Variants in SENP3 observed in about 807,000 individuals in gnomAD.
SENP3 encodes SUMO specific peptidase 3.
A neutral mutation model predicts 66.2 loss-of-function variants in SENP3; 11 were observed. The ratio of observed to expected loss-of-function variants is 0.17; its 90% CI spans 0.10 to 0.28. The LOEUF (loss-of-function observed/expected upper bound fraction) is 0.28, where lower values mean the gene tolerates loss of function less well. Among genes scored for constraint, SENP3 ranks in the 10% least tolerant of loss-of-function variants. The pLI, the probability that SENP3 is intolerant of heterozygous loss-of-function variation, is 1.00. For missense variants in SENP3, 548 were observed against 743.7 expected (o/e 0.74, Z 3.06); for synonymous variants, 292 against 277.6 (o/e 1.05, Z -0.52).
rs1376375473 is a variant in SENP3, at chr17:7,562,067, C to T, written c.-208C>T. ...GTGGAGGTGGAAGCTGAAGCTGAAG[C>T]AGAGCCAGAGGCGGCGCGGCGGGGT... On this transcript the variant is annotated 5_prime_UTR_variant, in exon 1 of 11. Coordinates refer to ENST00000321337, the MANE Select transcript of SENP3 (RefSeq NM_015670.6). This position sits in a 1 kb window ranked among gnomAD's most constrained non-coding sequence, Gnocchi z 5.0. The T allele has an allele frequency of 1.0e-5, 4 of 401,078 alleles. No homozygotes were observed. The highest frequency in any genetic ancestry group is 8.2e-5 in the African/African-American group (4 of 48,572). 24.8% of individuals were successfully genotyped at this position (401,078 alleles called of 1,614,324 possible).
chr17:7,563,234 G>A lies in SENP3; in HGVS notation c.158G>A (p.Gly53Glu). Residue 53 changes from glycine (G) to glutamate (E), a missense_variant, in exon 2 of 11, where the codon GGG becomes GAG. Physicochemically the swap from Gly to Glu is moderately conservative, Grantham distance 98 (BLOSUM62 -2). Around this residue, in one of 6 missense-constraint regions of SENP3, gnomAD observed 164 missense variants for 167.9 expected, o/e 0.98. Transcript: ENST00000321337. ...GGTGGAGGGTTTGGGCCAGATCCTG[G>A]GTCAGGGACCACAGTGCCAGCCAGA... is the stretch of plus-strand genomic sequence containing the variant. ...KSGGGFGPDP[G>E]SGTTVPARRL... 2 of 1,567,040 alleles carry A rather than the reference G, an allele frequency of 1.3e-6. No homozygotes were observed. Among genetic ancestry groups the A allele is most frequent in the East Asian group, 2.4e-5 (1 of 42,078 alleles).
Position 7,571,428 on chromosome 17 carries a change from CCA to C in SENP3, c.1671_1672del (p.Lys558ThrfsTer27). 2 of 1,608,380 alleles carry C rather than the reference CCA, an allele frequency of 1.2e-6. No individual in the cohort carries two copies. The highest frequency in any genetic ancestry group is 1.1e-5 in the South Asian group (1 of 90,252). On this transcript the variant is annotated frameshift_variant, in exon 11 of 11. Transcript: ENST00000321337. LOFTEE classifies it high-confidence loss of function. ...TTCAGCTTCACCCAGCAGGACATGC[CCA>C]AACTTCGTCGGCAGATCTACAAGGA...
Position 7,566,909 on chromosome 17 carries a change from T to G in SENP3, c.1264-18T>G. 1.3e-6 allele frequency: 2 copies of G among 1,542,486 alleles called. No homozygotes were observed. The highest frequency in any genetic ancestry group is 1.8e-6 in the Non-Finnish European group (2 of 1,136,616). ...AGGTCTTTTAATTCCATTGAGCTTT[T>G]TTGTGTCATTGGCACAGGTGCATTT... On this transcript the variant is annotated intron_variant, in intron 6 of 10. Coordinates refer to ENST00000321337, the MANE Select transcript of SENP3 (RefSeq NM_015670.6).
intron 1 of SENP3, 54 bp from the exon 2 acceptor site, chr17:7,563,012 G>A: frequency 1.5e-6 from 2 of 1,376,248 alleles, no homozygotes; most frequent in South Asian, 3.9e-5. Flanking sequence ...AGAGAGGCAG[G>A]ATCTGCGGTG....
At chr17:7,566,835 G>T in intron 6 of SENP3, 92 bp from the exon 7 acceptor site, 1 of 914,850 alleles carries the variant, frequency 1.1e-6, no homozygotes, top group Non-Finnish European at 1.7e-6. Flanking sequence ...CCCAGAATTT[G>T]TTTTTACTGT....
In SENP3 at chr17:7,563,645, G is replaced by A. The variant is rs778849909; in HGVS notation, c.569G>A (p.Arg190Gln). 3 of 1,607,558 alleles carry A rather than the reference G, an allele frequency of 1.9e-6. No individual in the cohort carries two copies. The highest frequency in any genetic ancestry group is 2.5e-6 in the Non-Finnish European group (3 of 1,177,400). ...CCCTGTTGTCGTTTTGACTCCCCCC[G>A]GGGGCCACCTCCACCCCGGCTGGGT... ...PSPCCRFDSP[R>Q]GPPPPRLGLL... The change falls in exon 2 of 11, where the codon CGG becomes CAG. Residue 190 changes from arginine to glutamine, a missense_variant. Around this residue, in one of 6 missense-constraint regions of SENP3, gnomAD observed 215 missense variants for 230.7 expected, o/e 0.93. Transcript: ENST00000321337.
intron 4 of SENP3, 65 bp from the exon 5 acceptor site, chr17:7,565,375 A>C: frequency 6.4e-7 from 1 of 1,570,390 alleles, no homozygotes; most frequent in Non-Finnish European, 8.7e-7. Context: ...TCCAGGGAGT[A>C]GTAGGTATTT....
chr17:7,563,931 C>T (rs1359556697), intron 2 of SENP3, 140 bp downstream of exon 2: 22 of 728,944 alleles, frequency 3.0e-5, no homozygotes, highest in South Asian at 1.7e-4. Flanking sequence ...AGAAGAGCTG[C>T]GAAATGTCTC....
chr17:7,570,510 G>T lies in SENP3; in HGVS notation c.1479+17G>T. On this transcript the variant is annotated intron_variant, in intron 8 of 10. Transcript: ENST00000321337. This position sits in a 1 kb window ranked among gnomAD's most constrained non-coding sequence, Gnocchi z 5.4. ...TGCCCTAAGGTTTGAGGGGGTAGGAGAGAGATGGGCAAAATGTGGGGCGGT... is the reference window on the plus strand; with the variant it reads ...TGCCCTAAGGTTTGAGGGGGTAGGATAGAGATGGGCAAAATGTGGGGCGGT... 6.2e-7 allele frequency: 1 copy of T among 1,607,854 alleles called. No homozygotes were observed.
intron 7 of SENP3, among the ~76,000 whole-genome samples, chr17:7,568,236 G>T (rs542189200): frequency 5.3e-5 from 8 of 151,678 alleles, no homozygotes; most frequent in Non-Finnish European, 1.2e-4. Flanking sequence ...GGGGAATGGG[G>T]CCAAAGGTTA....
At chr17:7,566,808 A>T (rs1157787117) in intron 6 of SENP3, 119 bp from the exon 7 acceptor site, 16 of 522,742 alleles carry the variant, frequency 3.1e-5, no homozygotes, top group Non-Finnish European at 4.9e-5. Flanking sequence ...TGTCTCTACC[A>T]AAAAAAAAAG....
chr17:7,571,898 T>A lies in SENP3; in HGVS notation c.*415T>A, dbSNP rs1363513306. On this transcript the variant is annotated 3_prime_UTR_variant, in exon 11 of 11. Transcript: ENST00000321337. The stretch of plus-strand genomic sequence containing the variant: ...ATATATATATATATATATATATATA[T>A]ATATATATATAAAAATATATAAATG... The A allele has an allele frequency of 7.9e-3, 101 of 12,788 alleles. 10 individuals carry two copies. The highest frequency in any genetic ancestry group is 0.013 in the Non-Finnish European group (72 of 5,472). The allele number at this position is 12,788 out of a possible 1,614,324, so 0.8% of individuals were successfully genotyped here. A position where few individuals can be genotyped will look rare whatever the true frequency, so the allele number is the denominator to read the frequency against.
At chr17:7,568,679 C>G (rs1436178428) in intron 7 of SENP3, among the ~76,000 whole-genome samples, 2 of 152,156 alleles carry the variant, frequency 1.3e-5, no homozygotes, top group Non-Finnish European at 2.9e-5. Context: ...CTCCAGGCCT[C>G]TTCCCGGTAC....
At position 7,571,788 on chromosome 17, in the gene SENP3, G is replaced by A. The variant is rs968876402; in HGVS notation, c.*305G>A. On this transcript the variant is annotated 3_prime_UTR_variant, in exon 11 of 11. Coordinates refer to ENST00000321337, the MANE Select transcript of SENP3 (RefSeq NM_015670.6). ...TGCAGGGAGCAGGAAATCAGTGCTG[G>A]GGGTGGTGGGCGGACAATAGGATCA... 6.5e-6 allele frequency: 1 copy of A among 154,530 alleles called. No homozygotes were observed. Among genetic ancestry groups the A allele is most frequent in the Non-Finnish European group, 1.3e-5 (1 of 75,658 alleles). The allele number at this position is 154,530 out of a possible 1,614,324, so 9.6% of individuals were successfully genotyped here.
At chr17:7,565,620 G>A in intron 5 of SENP3, 33 bp downstream of exon 5, 3 of 1,613,388 alleles carry the variant, frequency 1.9e-6, no homozygotes, top group Non-Finnish European at 2.5e-6. Context: ...GCCTGAGAGG[G>A]GATTCAGGGA....
chr17:7,563,593 G>T lies in SENP3; in HGVS notation c.517G>T (p.Gly173Trp), dbSNP rs771421264. ...CAAGAACCATCTTTCACCCCAGCAA[G>T]GGGGTGCGACGCCACAGGTGCCATC... is the stretch of plus-strand genomic sequence containing the variant. ...HPKNHLSPQQ[G>W]GATPQVPSPC... Residue 173 changes from glycine to tryptophan, a missense_variant, in exon 2 of 11, where the codon GGG becomes TGG. Physicochemically the swap from Gly to Trp is radical, Grantham distance 184. Transcript: ENST00000321337. 1 of 1,571,514 alleles carries T rather than the reference G, an allele frequency of 6.4e-7. No homozygotes were observed. The highest frequency in any genetic ancestry group is 1.2e-5 in the South Asian group (1 of 86,334).
At chr17:7,564,933 C>T (rs781040998) in intron 3 of SENP3, 26 bp from the exon 4 acceptor site, 2 of 1,609,906 alleles carry the variant, frequency 1.2e-6, no homozygotes, top group African/African-American at 1.3e-5. Flanking sequence ...GGAGGCCTCA[C>T]CCCCTCCTCT....
chr17:7,570,536 GC>G lies in SENP3; in HGVS notation c.1479+44del. The G allele has an allele frequency of 1.3e-6, 2 of 1,595,884 alleles. No individual in the cohort carries two copies. The highest frequency in any genetic ancestry group is 1.7e-6 in the Non-Finnish European group (2 of 1,170,018). On this transcript the variant is annotated intron_variant, in intron 8 of 10. Transcript: ENST00000321337. This position sits in a 1 kb window ranked among gnomAD's most constrained non-coding sequence, Gnocchi z 5.4. ...AGAGATGGGCAAAATGTGGGGCGGT[GC>G]AGTGGCAAGGCATTGCAGGAAGAAG... is the stretch of plus-strand genomic sequence containing the variant.
In SENP3 at chr17:7,571,528, TGGGA is replaced by T; in HGVS notation, c.*47_*50del. 7.4e-7 allele frequency: 1 copy of T among 1,355,580 alleles called. No homozygotes were observed. The highest frequency in any genetic ancestry group is 1.1e-6 in the Non-Finnish European group (1 of 949,012). The allele number at this position is 1,355,580 out of a possible 1,614,324, so 84.0% of individuals were successfully genotyped here. A position where few individuals can be genotyped will look rare whatever the true frequency, so the allele number is the denominator to read the frequency against. On this transcript the variant is annotated 3_prime_UTR_variant, in exon 11 of 11. Coordinates refer to ENST00000321337, the MANE Select transcript of SENP3 (RefSeq NM_015670.6). Reference sequence around the variant, plus strand: ...AAGCCCATAAATGGGAAGGGAGACATGGGAGTCCCTTCCCAAGAAACTCCAGTTC... The same window carrying T: ...AAGCCCATAAATGGGAAGGGAGACATGTCCCTTCCCAAGAAACTCCAGTTC...
Sources: allele counts gnomAD v4.1 joint callset (sites outside exome capture counted in the v4.1 genomes callset), GRCh38; gene constraint gnomAD v4.1.1; regional missense constraint gnomAD v4.1.1; non-coding constraint Gnocchi (gnomAD v3.1); transcripts MANE v1.5; gene names NCBI Gene and HGNC (gene_info 2026-07-23, HGNC 2026-07-21).